Variants in NUMB observed in about 807,000 individuals in gnomAD.
NUMB encodes NUMB endocytic adaptor protein, also known as protein numb homolog.
Under a neutral mutation model 59.7 loss-of-function variants are expected in NUMB, and 29 were observed. The ratio of observed to expected loss-of-function variants is 0.49; its 90% CI spans 0.36 to 0.66. The LOEUF (loss-of-function observed/expected upper bound fraction) is 0.66, where lower values mean the gene tolerates loss of function less well. NUMB is among the 30% of genes least tolerant of loss of function. The probability of loss-of-function intolerance (pLI) is 0.00; values close to 1 mark genes in which losing one functional copy is unlikely to be tolerated. For synonymous variants in NUMB, 288 were observed against 288.2 expected, an observed-to-expected ratio of 1.00 and a Z score of 0.01; for missense variants, 723 against 822.0, an observed-to-expected ratio of 0.88 and a Z score of 1.47.
chr14:73,332,514 G>C (rs938701660), intron 4 of NUMB, among the ~76,000 whole-genome samples: 1 of 151,612 alleles, frequency 6.6e-6, no homozygotes, highest in African/African-American at 2.4e-5. Context: ...CATCCACCTG[G>C]GTCTCCCAAA....
At position 73,439,526 on chromosome 14, in the gene NUMB, C is replaced by T. The variant is rs192379757; in HGVS notation, c.-233+18967G>A. 2.0e-5 allele frequency among the ~76,000 whole-genome samples: 3 copies of T among 152,204 alleles called. No individual in the cohort carries two copies. The East Asian group carries it at 5.8e-4, about 29-fold the overall frequency. ...CATTTCTAACCTTCAGTTAGGATTACATGGGAGACTTTAATATTAACTATA... is the reference window on the plus strand; with the variant it reads ...CATTTCTAACCTTCAGTTAGGATTATATGGGAGACTTTAATATTAACTATA... On this transcript the variant is annotated intron_variant, in intron 1 of 12. Transcript: ENST00000555238.
At chr14:73,414,200 C>T (rs569736873) in intron 1 of NUMB, among the ~76,000 whole-genome samples, 3 of 152,038 alleles carry the variant, frequency 2.0e-5, no homozygotes, top group Non-Finnish European at 4.4e-5. Context: ...CAAGTGATTA[C>T]CCACCTCAGC....
At chr14:73,314,284 T>TGA (rs1339719716) in intron 6 of NUMB, among the ~76,000 whole-genome samples, 8 of 152,196 alleles carry the variant, frequency 5.3e-5, no homozygotes, top group Non-Finnish European at 1.2e-4. Flanking sequence ...TCCCATTTTT[T>TGA]ACCACTTATT....
intron 1 of NUMB, among the ~76,000 whole-genome samples, chr14:73,421,998 G>A (rs537732147): frequency 4.6e-5 from 7 of 152,128 alleles, no homozygotes; most frequent in South Asian, 2.1e-4. Flanking sequence ...AAATTAGCCC[G>A]GTGTAGTGAT....
intron 1 of NUMB, among the ~76,000 whole-genome samples, chr14:73,436,036 T>A (rs1347629328): frequency 1.3e-5 from 2 of 151,282 alleles, no homozygotes; most frequent in East Asian, 3.9e-4. Flanking sequence ...GACACAAATA[T>A]CAATAGAAGA....
Position 73,374,289 on chromosome 14 carries a change from G to A in NUMB, c.-100-7308C>T, listed in dbSNP as rs1894844870. ...CCCACCTTGGCCTTTTTAAAGCACT[G>A]GGATTACAGGTGTGAGCTACTGCGC... On this transcript the variant is annotated intron_variant, in intron 2 of 12. Coordinates refer to ENST00000555238, the MANE Select transcript of NUMB (RefSeq NM_001005743.2). Among the ~76,000 whole-genome samples, 3 of 152,230 alleles carry A rather than the reference G, an allele frequency of 2.0e-5. No homozygotes were observed. The South Asian group carries it at 6.2e-4, about 32-fold the overall frequency.
At position 73,357,129 on chromosome 14, in the gene NUMB, G is replaced by A. The variant is rs182263286; in HGVS notation, c.-15-1363C>T. 25 of 450,558 alleles carry A rather than the reference G, an allele frequency of 5.5e-5. No individual in the cohort carries two copies. In the East Asian group the frequency reaches 2.0e-3, roughly 36 times the overall value. 27.9% of individuals were successfully genotyped at this position (450,558 alleles called of 1,614,324 possible). A position where few individuals can be genotyped will look rare whatever the true frequency, so the allele number is the denominator to read the frequency against. On this transcript the variant is annotated intron_variant, in intron 3 of 12. Transcript: ENST00000555238. ...TGTAACTAAAAAGTGTTGGCCGGGT[G>A]TGGCGGCTCACCCCTGTAATCCCAG...
At chr14:73,372,829 T>C (rs555760607) in intron 2 of NUMB, among the ~76,000 whole-genome samples, 1 of 152,334 alleles carries the variant, frequency 6.6e-6, no homozygotes, top group Admixed American at 6.5e-5. Flanking sequence ...CATTTCATTA[T>C]ATTTCATTAT....
chr14:73,371,076 C>T (rs1031570720), intron 2 of NUMB, among the ~76,000 whole-genome samples: 4 of 152,036 alleles, frequency 2.6e-5, no homozygotes, highest in African/African-American at 7.2e-5. Flanking sequence ...GGCGTGAGCC[C>T]GCATCAGGTC....
chr14:73,417,127 CAT>C (rs1897160897), intron 1 of NUMB, among the ~76,000 whole-genome samples: 1 of 151,946 alleles, frequency 6.6e-6, no homozygotes, highest in African/African-American at 2.4e-5. Flanking sequence ...CCAGCTTCCC[CAT>C]CATCCTGCTG....
At chr14:73,278,769 C>T (rs1888386873) in intron 12 of NUMB, among the ~76,000 whole-genome samples, 1 of 137,758 alleles carries the variant, frequency 7.3e-6, no homozygotes, top group Admixed American at 7.8e-5. Flanking sequence ...GCTCTGTTGC[C>T]CAGGCTGGAG....
At position 73,276,692 on chromosome 14, in the gene NUMB, ATC is replaced by A. The variant is rs775840133; in HGVS notation, c.1840_1841del (p.Asp614SerfsTer3). 2 of 1,614,186 alleles carry A rather than the reference ATC, an allele frequency of 1.2e-6. No homozygotes were observed. The highest frequency in any genetic ancestry group is 1.7e-6 in the Non-Finnish European group (2 of 1,180,026). On this transcript the variant is annotated frameshift_variant, in exon 13 of 13. Coordinates refer to ENST00000555238, the MANE Select transcript of NUMB (RefSeq NM_001005743.2). LOFTEE classifies it high-confidence loss of function. ...ATGCAGCCCACTGGGCTTCAAAAGG[ATC>A]CACTGGGCAGGTGCCTGTAGGAACC... ...TEVPTGTCPVDPFEAQWAALE... is the reference protein window; with the variant it reads ...TEVPTGTCPVXPFEAQWAALE...
chr14:73,359,241 G>A (rs1893976404), intron 3 of NUMB, among the ~76,000 whole-genome samples: 2 of 152,146 alleles, frequency 1.3e-5, no homozygotes, highest in Admixed American at 1.3e-4. Context: ...ACCTACTCAG[G>A]AAGCTGAGGC....
chr14:73,389,291 A>C (rs866096763), intron 2 of NUMB, among the ~76,000 whole-genome samples: 7,565 of 97,994 alleles, frequency 0.077, 997 homozygotes, highest in African/African-American at 0.31. Context: ...AAAAAAAAAA[A>C]AACAAAAACA....
intron 6 of NUMB, among the ~76,000 whole-genome samples, chr14:73,301,910 A>T (rs6574116): frequency 1.3e-5 from 2 of 151,848 alleles, no homozygotes; most frequent in Admixed American, 6.6e-5. Context: ...CTGAAACCCC[A>T]TATCTACTAA....
chr14:73,420,992 T>C (rs543695901), intron 1 of NUMB, among the ~76,000 whole-genome samples: 1 of 152,196 alleles, frequency 6.6e-6, no homozygotes, highest in Non-Finnish European at 1.5e-5. Flanking sequence ...AAAAAAAATC[T>C]ATCTTTAGAA....
intron 4 of NUMB, among the ~76,000 whole-genome samples, chr14:73,352,158 A>G (rs1467460854): frequency 6.6e-6 from 1 of 151,500 alleles, no homozygotes; most frequent in Non-Finnish European, 1.5e-5. Flanking sequence ...GGGTCATCTC[A>G]AACAACTTTC....
chr14:73,323,326 G>A, intron 4 of NUMB, 122 bp from the exon 5 acceptor site: 4 of 596,010 alleles, frequency 6.7e-6, no homozygotes, highest in Non-Finnish European at 1.2e-5. Context: ...TTTGAAATCT[G>A]AAACACTTCT....
At chr14:73,322,933 C>T in intron 5 of NUMB, 197 bp downstream of exon 5, 1 of 425,374 alleles carries the variant, frequency 2.4e-6, no homozygotes. Context: ...TCATGTAATC[C>T]TCCTGCCTCA....
Sources: gnomAD v4.1 joint callset for allele counts (sites outside exome capture counted in the v4.1 genomes callset) on GRCh38, gnomAD v4.1.1 for gene constraint, MANE v1.5 for transcripts, NCBI Gene and HGNC (gene_info 2026-07-23, HGNC 2026-07-21) for gene names.